The following RBM34 variants were observed in gnomAD, a reference collection of about 807,000 sequenced individuals.
RBM34 encodes the protein RNA-binding protein 34.
Under a neutral mutation model 44.6 loss-of-function variants are expected in RBM34, and 39 were observed. The observed-to-expected ratio is 0.87, with a 90% CI of 0.68 to 1.14. The LOEUF is 1.14. Ranked by LOEUF, RBM34 falls within the 50% of genes most tolerant of loss-of-function variation. The pLI is 0.00. For missense variants in RBM34, 572 were observed against 517.9 expected (o/e 1.10, Z -1.01); for synonymous variants, 194 against 184.0 (o/e 1.05, Z -0.44).
intron 6 of RBM34, among the ~76,000 whole-genome samples, chr1:235,141,941 G>C (rs923639891): frequency 6.6e-6 from 1 of 152,216 alleles, no homozygotes; most frequent in African/African-American, 2.4e-5. Context: ...CTTCATTCTT[G>C]AAGTCAGTGA....
rs139917557 is a variant in RBM34 at position 235,161,213 on chromosome 1, C to T, written c.14G>A (p.Gly5Glu). 1.2e-5 allele frequency: 20 copies of T among 1,611,892 alleles called. No individual in the cohort carries two copies. Among genetic ancestry groups the T allele is most frequent in the South Asian group, 2.2e-5 (2 of 90,856 alleles). MALE[G>E]MSKRKRKRSV... The stretch of plus-strand genomic sequence containing the variant: ...TCTCTTTCTCTTCCGTTTGCTCATC[C>T]CTTCCAAGGCCATTCTTACTCCAAA... Residue 5 changes from glycine (G) to glutamate (E), a missense_variant, in exon 1 of 11, where the codon GGG becomes GAG. Gly to Glu is a moderately conservative substitution (Grantham distance 98, BLOSUM62 -2). Coordinates refer to ENST00000408888, the MANE Select transcript of RBM34 (RefSeq NM_015014.4).
At position 235,154,998 on chromosome 1, in the gene RBM34, GTCA is replaced by G. The variant is rs1484644337; in HGVS notation, c.477_479del (p.Asp160del). ...TTTGACTGACAACTGTGTCTTCTGT[GTCA>G]TCAAGTATTTTTCTATCTGCTACTT... On this transcript the variant is annotated inframe_deletion, in exon 4 of 11. Coordinates refer to ENST00000408888, the MANE Select transcript of RBM34 (RefSeq NM_015014.4). 8 of 1,613,780 alleles carry G rather than the reference GTCA, an allele frequency of 5.0e-6. No individual in the cohort carries two copies. Among genetic ancestry groups the G allele is most frequent in the Middle Eastern group, 1.6e-4 (1 of 6,082 alleles).
rs375056804 is a variant in RBM34, at chr1:235,153,972, T to C, written c.597+909A>G. On this transcript the variant is annotated intron_variant, in intron 4 of 10. Transcript: ENST00000408888. ...TGTCAAGAGACAGAACGAGGCTGGG[T>C]GCGGTTGCTCATGCCTGTAATCCCA... Among the ~76,000 whole-genome samples the C allele has an allele frequency of 1.6e-3, 250 of 152,174 alleles. 2 individuals are homozygous for C. The highest frequency in any genetic ancestry group is 5.9e-3 in the African/African-American group (243 of 41,522).
chr1:235,142,926 C>CAAAAAAAAA (rs34015202), intron 6 of RBM34, among the ~76,000 whole-genome samples: 4 of 66,220 alleles, frequency 6.0e-5, no homozygotes, highest in African/African-American at 7.0e-5. Flanking sequence ...GGATCCATCT[C>CAAAAAAAAA]AAAAAAAAAA....
At chr1:235,156,612 A>C in intron 3 of RBM34, 1 of 448,746 alleles carries the variant, frequency 2.2e-6, no homozygotes, top group South Asian at 1.7e-5. Context: ...AAATTGTGAA[A>C]CGGTAAATAC....
chr1:235,137,237 A>G (rs552340198), intron 8 of RBM34, among the ~76,000 whole-genome samples: 10 of 152,208 alleles, frequency 6.6e-5, no homozygotes, highest in Non-Finnish European at 1.3e-4. Flanking sequence ...ATGTCTTAGA[A>G]CTGCATCTCT....
At chr1:235,135,418 G>C (rs1024917927) in intron 10 of RBM34, among the ~76,000 whole-genome samples, 1 of 151,710 alleles carries the variant, frequency 6.6e-6, no homozygotes, top group African/African-American at 2.4e-5. Flanking sequence ...TAGTAGAGAC[G>C]AGGTTTTACC....
chr1:235,159,375 C>A (rs901328638), intron 3 of RBM34, among the ~76,000 whole-genome samples: 3 of 151,520 alleles, frequency 2.0e-5, no homozygotes, highest in Admixed American at 6.6e-5. Context: ...TATGGTGACA[C>A]CCCGTCTCTA....
chr1:235,138,398 A>G (rs1339899697), intron 6 of RBM34, among the ~76,000 whole-genome samples: 1 of 152,250 alleles, frequency 6.6e-6, no homozygotes, highest in African/African-American at 2.4e-5. Context: ...CTTTCTTAGG[A>G]ATCATAACCA....
chr1:235,155,927 T>C (rs538875946), intron 3 of RBM34, among the ~76,000 whole-genome samples: 2 of 139,538 alleles, frequency 1.4e-5, no homozygotes, highest in Non-Finnish European at 3.0e-5. Context: ...TGGAGTATAG[T>C]GGCGCAATCT....
chr1:235,160,454 A>G (rs1179286725), intron 3 of RBM34, 57 bp downstream of exon 3: 2 of 1,519,736 alleles, frequency 1.3e-6, no homozygotes, highest in Non-Finnish European at 1.8e-6. Context: ...TTCCAAGTAT[A>G]GGAATGTTAA....
intron 6 of RBM34, among the ~76,000 whole-genome samples, chr1:235,146,363 T>C (rs1661907735): frequency 6.6e-6 from 1 of 152,096 alleles, no homozygotes; most frequent in South Asian, 2.1e-4. Flanking sequence ...AGGGCATTTT[T>C]AAAAAATGCT....
chr1:235,158,350 A>T (rs1218854774), intron 3 of RBM34, among the ~76,000 whole-genome samples: 2 of 150,076 alleles, frequency 1.3e-5, no homozygotes, highest in Non-Finnish European at 3.0e-5. Context: ...CCAGAGGCGG[A>T]GGTTGCAGTG....
chr1:235,155,404 TA>T (rs1162966775), intron 3 of RBM34, among the ~76,000 whole-genome samples: 6 of 150,908 alleles, frequency 4.0e-5, no homozygotes, highest in Admixed American at 4.0e-4. Flanking sequence ...TGTAGCAGCG[TA>T]ATCACAGCTC....
At position 235,155,939 on chromosome 1, in the gene RBM34, G is replaced by A. The variant is rs547585795; in HGVS notation, c.366-827C>T. On this transcript the variant is annotated intron_variant, in intron 3 of 10. Transcript: ENST00000408888. Reference sequence around the variant, plus strand: ...GACTGGAGTATAGTGGCGCAATCTCGGCTCACTGCAACCTCCGCCTCTCTG... The same window carrying A: ...GACTGGAGTATAGTGGCGCAATCTCAGCTCACTGCAACCTCCGCCTCTCTG... 2.3e-4 allele frequency among the ~76,000 whole-genome samples: 32 copies of A among 138,082 alleles called. No individual in the cohort carries two copies. The East Asian group carries it at 3.1e-3, about 13-fold the overall frequency. 90.6% of individuals were successfully genotyped at this position (138,082 alleles called of 152,430 possible).
At chr1:235,157,161 A>G (rs539237523) in intron 3 of RBM34, among the ~76,000 whole-genome samples, 27 of 152,302 alleles carry the variant, frequency 1.8e-4, no homozygotes, top group Middle Eastern at 3.4e-3. Context: ...GAGAGCATCT[A>G]AAAAAGATCA....
At chr1:235,147,518 C>T (rs1035460883) in intron 6 of RBM34, among the ~76,000 whole-genome samples, 8 of 152,174 alleles carry the variant, frequency 5.3e-5, no homozygotes, top group African/African-American at 4.8e-5. Context: ...GGATCTGCAT[C>T]TTTGGTTACC....
At chr1:235,156,476 TGA>T (rs780595686) in intron 3 of RBM34, 4 of 325,674 alleles carry the variant, frequency 1.2e-5, no homozygotes, top group African/African-American at 2.2e-5. Context: ...TCACACTCCC[TGA>T]GAGTCTAAAA....
Position 235,135,715 on chromosome 1 carries a change from G to A in RBM34, c.945C>T (p.Ala315=), listed in dbSNP as rs774256586. 1.2e-5 allele frequency: 20 copies of A among 1,613,976 alleles called. No individual in the cohort carries two copies. The highest frequency in any genetic ancestry group is 1.1e-4 in the African/African-American group (8 of 74,882). ...KHFLDCGSIM[A]VRIVRDKMTG... is the part of the protein sequence containing the mutation. ...TCATTTTGTCTCTCACAATCCTCAC[G>A]GCCATGATACTTCCACAGTCCAGAA... Residue 315 remains alanine (A), a synonymous_variant, in exon 10 of 11, where the codon GCC becomes GCT. Transcript: ENST00000408888.
Sources: gnomAD v4.1 joint callset for allele counts (sites outside exome capture counted in the v4.1 genomes callset) on GRCh38, gnomAD v4.1.1 for gene constraint, MANE v1.5 for transcripts, NCBI Gene and HGNC (gene_info 2026-07-23, HGNC 2026-07-21) for gene names.